MSRA: variants seen among roughly 807,000 people sequenced by gnomAD.
MSRA encodes mitochondrial peptide methionine sulfoxide reductase.
In MSRA, 54 loss-of-function variants were observed where a neutral mutation model predicts 31.3. The observed-to-expected ratio is 1.73, with a 90% confidence interval of 1.39 to 2.17. The LOEUF is 2.17. MSRA is among the 30% of genes most tolerant of loss of function. The probability of loss-of-function intolerance (pLI) is 0.00; values close to 1 mark genes in which losing one functional copy is unlikely to be tolerated. For synonymous variants in MSRA, 169 were observed against 116.5 expected, an observed-to-expected ratio of 1.45 and a Z score of -2.90; for missense variants, 507 against 300.9, an observed-to-expected ratio of 1.69 and a Z score of -5.07.
chr8:10,283,836 T>TACACACACAC (rs372503609), intron 3 of MSRA, among the ~76,000 whole-genome samples: 55 of 53,148 alleles, frequency 1.0e-3, no homozygotes, highest in East Asian at 7.6e-3. Flanking sequence ...TATATATATA[T>TACACACACAC]ACACACACAC....
intron 5 of MSRA, among the ~76,000 whole-genome samples, chr8:10,363,193 G>C (rs1291091605): frequency 6.6e-6 from 1 of 152,188 alleles, no homozygotes; most frequent in Non-Finnish European, 1.5e-5. Context: ...GCAGTTGCTA[G>C]TTCATTTTCC....
intron 1 of MSRA, among the ~76,000 whole-genome samples, chr8:10,205,628 A>G (rs926401690): frequency 1.3e-5 from 2 of 152,232 alleles, no homozygotes; most frequent in Admixed American, 6.5e-5. Flanking sequence ...AAAAATCTAT[A>G]ATTTTCATTT....
chr8:10,210,487 G>A (rs778368152), intron 2 of MSRA, among the ~76,000 whole-genome samples: 27 of 152,324 alleles, frequency 1.8e-4, no homozygotes, highest in South Asian at 4.1e-4. Flanking sequence ...CCTTCCCGGA[G>A]TGCTCTGAAG....
At chr8:10,375,642 T>C (rs1219576924) in intron 5 of MSRA, among the ~76,000 whole-genome samples, 1 of 152,164 alleles carries the variant, frequency 6.6e-6, no homozygotes. Flanking sequence ...TTGTCCAGAA[T>C]GGCAGTTCCT....
chr8:10,196,376 C>A (rs1585142981), intron 1 of MSRA, among the ~76,000 whole-genome samples: 1 of 151,902 alleles, frequency 6.6e-6, no homozygotes, highest in African/African-American at 2.4e-5. Context: ...GGGCCTTATG[C>A]CTTAATTACA....
intron 1 of MSRA, among the ~76,000 whole-genome samples, chr8:10,070,409 A>G (rs773913031): frequency 5.3e-5 from 8 of 152,082 alleles, no homozygotes; most frequent in South Asian, 2.1e-4. Context: ...GTGACCTGCT[A>G]TTTTTTCAAT....
intron 1 of MSRA, among the ~76,000 whole-genome samples, chr8:10,061,003 T>G (rs1463532348): frequency 6.6e-6 from 1 of 152,216 alleles, no homozygotes; most frequent in Non-Finnish European, 1.5e-5. Context: ...ATTTCTAAAT[T>G]GTAGGATACA....
chr8:10,116,710 GT>G (rs1464823486), intron 1 of MSRA, among the ~76,000 whole-genome samples: 1 of 152,162 alleles, frequency 6.6e-6, no homozygotes, highest in Non-Finnish European at 1.5e-5. Flanking sequence ...GCTCATGCCT[GT>G]AATCTCAGCA....
chr8:10,306,691 C>T (rs984793546), intron 4 of MSRA, among the ~76,000 whole-genome samples: 6 of 152,150 alleles, frequency 3.9e-5, no homozygotes, highest in African/African-American at 1.2e-4. Context: ...GGTCTGTATC[C>T]TCCTAACTAG....
intron 1 of MSRA, among the ~76,000 whole-genome samples, chr8:10,144,306 T>G (rs980562721): frequency 6.6e-6 from 1 of 152,144 alleles, no homozygotes; most frequent in Non-Finnish European, 1.5e-5. Flanking sequence ...TCTGCCTGGG[T>G]TCAGTGTTTG....
At chr8:10,397,651 G>A (rs749450059) in intron 5 of MSRA, among the ~76,000 whole-genome samples, 1 of 152,200 alleles carries the variant, frequency 6.6e-6, no homozygotes, top group Non-Finnish European at 1.5e-5. Flanking sequence ...TTTGGAATTG[G>A]AAGACTCTCT....
chr8:10,124,055 C>T (rs988750471), intron 1 of MSRA, among the ~76,000 whole-genome samples: 4 of 151,684 alleles, frequency 2.6e-5, no homozygotes, highest in African/African-American at 7.3e-5. Flanking sequence ...TTGCAGAGGT[C>T]GAGGGGCTTC....
intron 5 of MSRA, among the ~76,000 whole-genome samples, chr8:10,372,606 T>A (rs1381150110): frequency 2.6e-5 from 4 of 152,150 alleles, no homozygotes; most frequent in African/African-American, 9.7e-5. Context: ...CCTCCCTCTC[T>A]CTTTCTGAAC....
At chr8:10,138,073 A>G (rs1412157902) in intron 1 of MSRA, among the ~76,000 whole-genome samples, 1 of 152,210 alleles carries the variant, frequency 6.6e-6, no homozygotes, top group Non-Finnish European at 1.5e-5. Flanking sequence ...GCGTATATAG[A>G]TGAAATAAGA....
chr8:10,418,403 T>C (rs1808608288), intron 5 of MSRA, among the ~76,000 whole-genome samples: 1 of 152,184 alleles, frequency 6.6e-6, no homozygotes, highest in South Asian at 2.1e-4. Flanking sequence ...TGAGTGGATC[T>C]GCCTGCCCAT....
At chr8:10,417,884 G>C (rs1808578999) in intron 5 of MSRA, among the ~76,000 whole-genome samples, 1 of 151,886 alleles carries the variant, frequency 6.6e-6, no homozygotes, top group South Asian at 2.1e-4. Flanking sequence ...GGGGAAGGTA[G>C]GAACCAAGTG....
At chr8:10,279,897 T>G (rs908597799) in intron 3 of MSRA, among the ~76,000 whole-genome samples, 4 of 152,228 alleles carry the variant, frequency 2.6e-5, no homozygotes, top group Non-Finnish European at 5.9e-5. Flanking sequence ...CAGTGTGCAT[T>G]AAATGTGGCA....
chr8:10,123,854 A>G (rs1463083481), intron 1 of MSRA, among the ~76,000 whole-genome samples: 2 of 150,884 alleles, frequency 1.3e-5, no homozygotes, highest in African/African-American at 4.9e-5. Context: ...CCATTGGTCT[A>G]TGCTTTTTTT....
At chr8:10,072,851 C>T (rs1436896117) in intron 1 of MSRA, among the ~76,000 whole-genome samples, 1 of 152,092 alleles carries the variant, frequency 6.6e-6, no homozygotes, top group Non-Finnish European at 1.5e-5. Flanking sequence ...TTTTCATTTT[C>T]TTTGGAGTGA....
Sources: gnomAD v4.1 joint callset for allele counts (sites outside exome capture counted in the v4.1 genomes callset) on GRCh38, gnomAD v4.1.1 for gene constraint, MANE v1.5 for transcripts, NCBI Gene and HGNC (gene_info 2026-07-23, HGNC 2026-07-21) for gene names.